Variants in UNC13C observed in about 807,000 individuals in gnomAD.
UNC13C encodes protein unc-13 homolog C.
A neutral mutation model predicts 245.4 loss-of-function variants in UNC13C; 174 were observed. The ratio of observed to expected loss-of-function variants is 0.71; its 90% CI spans 0.63 to 0.80. The LOEUF is 0.80. Ranked by LOEUF, UNC13C falls within the 30% of genes least tolerant of loss-of-function variation. The probability of loss-of-function intolerance (pLI) is 0.00; values close to 1 mark genes in which losing one functional copy is unlikely to be tolerated. For missense variants in UNC13C, 2,829 were observed against 2,602.9 expected (o/e 1.09, Z -1.89); for synonymous variants, 992 against 895.1 (o/e 1.11, Z -1.93).
the UNC13C span, among the ~76,000 whole-genome samples, chr15:53,896,294 A>C: frequency 6.6e-6 from 1 of 152,188 alleles, no homozygotes; most frequent in African/African-American, 2.4e-5. Context: ...AATACAATTA[A>C]GTGACAGTAA....
chr15:54,571,105 G>A (rs1298244293), intron 30 of UNC13C, among the ~76,000 whole-genome samples: 2 of 152,260 alleles, frequency 1.3e-5, no homozygotes, highest in Middle Eastern at 3.4e-3. Context: ...GTGGCATGGT[G>A]TCAAAAATGA....
chr15:53,922,900 A>G, the UNC13C span, among the ~76,000 whole-genome samples: 13 of 152,218 alleles, frequency 8.5e-5, no homozygotes, highest in African/African-American at 1.2e-4. Context: ...TTTTGAGAAT[A>G]TAAGTATTCA....
chr15:54,373,723 C>T (rs1174904540), intron 17 of UNC13C, among the ~76,000 whole-genome samples: 2 of 152,222 alleles, frequency 1.3e-5, no homozygotes, highest in African/African-American at 2.4e-5. Flanking sequence ...TTCCTCTCTT[C>T]TCTCCTTCTT....
intron 17 of UNC13C, among the ~76,000 whole-genome samples, chr15:54,353,872 T>C (rs895659563): frequency 6.6e-5 from 10 of 152,120 alleles, no homozygotes; most frequent in Admixed American, 4.6e-4. Flanking sequence ...AACAGTCCCA[T>C]AAAAACTTGG....
At chr15:53,964,614 T>G in the UNC13C span, among the ~76,000 whole-genome samples, 1 of 152,210 alleles carries the variant, frequency 6.6e-6, no homozygotes, top group African/African-American at 2.4e-5. Flanking sequence ...TGTTCAGGTA[T>G]TCTTCTGTGG....
At chr15:54,420,156 C>T (rs1037425777) in intron 19 of UNC13C, among the ~76,000 whole-genome samples, 12 of 152,038 alleles carry the variant, frequency 7.9e-5, no homozygotes, top group South Asian at 4.2e-4. Context: ...GTATCAGTTA[C>T]CTATTATGAT....
chr15:54,149,044 C>T (rs1429825805), intron 4 of UNC13C, among the ~76,000 whole-genome samples: 1 of 152,084 alleles, frequency 6.6e-6, no homozygotes, highest in Non-Finnish European at 1.5e-5. Flanking sequence ...CCAGGCTGTT[C>T]TCCTGCTAGG....
intron 19 of UNC13C, among the ~76,000 whole-genome samples, chr15:54,486,064 A>C (rs925097272): frequency 6.6e-6 from 1 of 152,078 alleles, no homozygotes; most frequent in Non-Finnish European, 1.5e-5. Flanking sequence ...TATAAGCTCC[A>C]TGATGGCAGG....
At position 54,471,741 on chromosome 15, in the gene UNC13C, T is replaced by A. The variant is rs61543104; in HGVS notation, c.4934-22867T>A. The stretch of plus-strand genomic sequence containing the variant: ...TGTATTTTGTTGCTGTTGGATGGAA[T>A]CTTCTGTATATGTGTGTTATGTCTG... On this transcript the variant is annotated intron_variant, in intron 19 of 32. Coordinates refer to ENST00000260323, the MANE Select transcript of UNC13C (RefSeq NM_001080534.3). Among the ~76,000 whole-genome samples, 369 of 151,822 alleles carry A rather than the reference T, an allele frequency of 2.4e-3. 3 individuals carry two copies. The highest frequency in any genetic ancestry group is 8.2e-3 in the African/African-American group (342 of 41,518).
intron 4 of UNC13C, among the ~76,000 whole-genome samples, chr15:54,231,665 A>C (rs1203346508): frequency 6.6e-6 from 1 of 152,088 alleles, no homozygotes; most frequent in South Asian, 2.1e-4. Context: ...TAAGCACCAA[A>C]AAAAATTAGT....
intron 30 of UNC13C, among the ~76,000 whole-genome samples, chr15:54,621,293 T>G (rs1034809321): frequency 3.3e-5 from 5 of 152,206 alleles, no homozygotes; most frequent in African/African-American, 1.2e-4. Flanking sequence ...TGGTAGAAAT[T>G]AAAACGCCAC....
chr15:53,858,080 T>C, the UNC13C span, among the ~76,000 whole-genome samples: 4 of 152,350 alleles, frequency 2.6e-5, no homozygotes, highest in Admixed American at 6.5e-5. Context: ...GCTGAAATGA[T>C]AATTTTAACC....
At chr15:53,846,571 T>G in the UNC13C span, among the ~76,000 whole-genome samples, 1 of 152,216 alleles carries the variant, frequency 6.6e-6, no homozygotes. Context: ...AGATGGGAAT[T>G]AAATAAATTT....
chr15:54,045,468 C>A (rs1896995375), intron 2 of UNC13C, among the ~76,000 whole-genome samples: 1 of 151,972 alleles, frequency 6.6e-6, no homozygotes, highest in South Asian at 2.1e-4. Context: ...TATATATAAG[C>A]ATTGATGCCC....
chr15:54,541,239 C>T (rs891861564), intron 26 of UNC13C, among the ~76,000 whole-genome samples: 1 of 152,036 alleles, frequency 6.6e-6, no homozygotes, highest in Non-Finnish European at 1.5e-5. Flanking sequence ...ATGCCTCTCA[C>T]ATGTCACATG....
the UNC13C span, among the ~76,000 whole-genome samples, chr15:53,932,656 T>C: frequency 2.0e-5 from 3 of 152,156 alleles, no homozygotes; most frequent in Non-Finnish European, 4.4e-5. Flanking sequence ...GAGTTTCTTT[T>C]TCTGCCTTTT....
intron 2 of UNC13C, among the ~76,000 whole-genome samples, chr15:54,093,260 T>A (rs1567008155): frequency 6.6e-6 from 1 of 152,070 alleles, no homozygotes; most frequent in Non-Finnish European, 1.5e-5. Flanking sequence ...CAGCCAAATA[T>A]GTTTAACGGG....
intron 8 of UNC13C, among the ~76,000 whole-genome samples, chr15:54,258,962 G>C (rs2036351884): frequency 6.6e-6 from 1 of 152,200 alleles, no homozygotes; most frequent in African/African-American, 2.4e-5. Context: ...CCACAGTTCT[G>C]AAGGTAGAAA....
chr15:54,136,247 C>T (rs1010440206), intron 2 of UNC13C, among the ~76,000 whole-genome samples: 3 of 152,134 alleles, frequency 2.0e-5, no homozygotes, highest in African/African-American at 7.2e-5. Context: ...AGGTGATCTT[C>T]CCACATCAAT....
Sources: allele counts gnomAD v4.1 joint callset (sites outside exome capture counted in the v4.1 genomes callset), GRCh38; gene constraint gnomAD v4.1.1; transcripts MANE v1.5; gene names NCBI Gene and HGNC (gene_info 2026-07-23, HGNC 2026-07-21).